The following CNTN4 variants were observed in gnomAD, a reference collection of about 807,000 sequenced individuals.
The protein encoded by CNTN4 is contactin-4.
Under a neutral mutation model 122.5 loss-of-function variants are expected in CNTN4, and 77 were observed. The ratio of observed to expected loss-of-function variants is 0.63; its 90% confidence interval spans 0.52 to 0.76. CNTN4 has a LOEUF of 0.76. CNTN4 is among the 30% of genes least tolerant of loss of function. The pLI is 0.00. For synonymous variants in CNTN4, 512 were observed against 447.0 expected (o/e 1.15, Z -1.83); for missense variants, 1,256 against 1,259.1 (o/e 1.00, Z 0.04).
At chr3:2,417,506 C>A (rs1222861544) in intron 3 of CNTN4, among the ~76,000 whole-genome samples, 1 of 152,192 alleles carries the variant, frequency 6.6e-6, no homozygotes, top group African/African-American at 2.4e-5. Flanking sequence ...CCGATTCCCT[C>A]ATTTTAATAA....
intron 4 of CNTN4, among the ~76,000 whole-genome samples, chr3:2,641,424 G>A (rs1040797478): frequency 6.6e-6 from 1 of 152,102 alleles, no homozygotes; most frequent in African/African-American, 2.4e-5. Flanking sequence ...TAAAACATCT[G>A]CATTATTTTA....
At chr3:2,522,035 A>G (rs2077236009) in intron 3 of CNTN4, among the ~76,000 whole-genome samples, 1 of 151,908 alleles carries the variant, frequency 6.6e-6, no homozygotes, top group Non-Finnish European at 1.5e-5. Flanking sequence ...TAACCTTCTA[A>G]CTCTGCTTTT....
chr3:2,275,938 C>CA (rs78515660), intron 2 of CNTN4, among the ~76,000 whole-genome samples: 23 of 137,916 alleles, frequency 1.7e-4, no homozygotes, highest in African/African-American at 5.8e-4. Context: ...AAAAAAAAAA[C>CA]AAAAAAAAAT....
intron 3 of CNTN4, among the ~76,000 whole-genome samples, chr3:2,462,220 C>G (rs942668738): frequency 2.2e-4 from 33 of 152,196 alleles, no homozygotes; most frequent in African/African-American, 7.7e-4. Flanking sequence ...AGAGAGTAGC[C>G]TCCAGTGTCC....
At chr3:2,858,530 A>T (rs2093639567) in intron 7 of CNTN4, among the ~76,000 whole-genome samples, 2 of 152,158 alleles carry the variant, frequency 1.3e-5, no homozygotes, top group African/African-American at 4.8e-5. Flanking sequence ...GTTCACGGCA[A>T]GCTTGGCCAA....
At chr3:2,730,367 A>G (rs2088591695) in intron 4 of CNTN4, among the ~76,000 whole-genome samples, 1 of 152,204 alleles carries the variant, frequency 6.6e-6, no homozygotes. Flanking sequence ...GGATTTTGGA[A>G]CATTTCAGAT....
intron 3 of CNTN4, among the ~76,000 whole-genome samples, chr3:2,570,259 G>C (rs1472631309): frequency 6.6e-6 from 1 of 151,316 alleles, no homozygotes; most frequent in Non-Finnish European, 1.5e-5. Context: ...CTGCAGCCTC[G>C]AACTCCTGGG....
intron 3 of CNTN4, among the ~76,000 whole-genome samples, chr3:2,354,686 G>C (rs1263148598): frequency 6.6e-6 from 1 of 152,152 alleles, no homozygotes; most frequent in Non-Finnish European, 1.5e-5. Flanking sequence ...GCAGCAGGCA[G>C]TTGTGCTGTA....
chr3:2,685,601 A>C (rs2085391720), intron 4 of CNTN4, among the ~76,000 whole-genome samples: 1 of 152,230 alleles, frequency 6.6e-6, no homozygotes, highest in Non-Finnish European at 1.5e-5. Context: ...AGTAATCTTC[A>C]TAGGTCATGG....
chr3:2,352,808 C>T (rs547022952), intron 3 of CNTN4, among the ~76,000 whole-genome samples: 1 of 152,222 alleles, frequency 6.6e-6, no homozygotes, highest in African/African-American at 2.4e-5. Flanking sequence ...AGGGGATCTA[C>T]TAGGCGAAGC....
chr3:2,625,801 C>G (rs2082162351), intron 4 of CNTN4, among the ~76,000 whole-genome samples: 1 of 152,026 alleles, frequency 6.6e-6, no homozygotes, highest in Non-Finnish European at 1.5e-5. Context: ...AATATGTCTC[C>G]TGCTGCGCCT....
At chr3:2,865,691 A>T (rs2093716504) in intron 7 of CNTN4, among the ~76,000 whole-genome samples, 1 of 152,210 alleles carries the variant, frequency 6.6e-6, no homozygotes, top group Non-Finnish European at 1.5e-5. Context: ...TAAAGAGAGG[A>T]ATCGTGGAAT....
At chr3:2,509,077 A>G (rs1575802134) in intron 3 of CNTN4, among the ~76,000 whole-genome samples, 1 of 152,238 alleles carries the variant, frequency 6.6e-6, no homozygotes. Flanking sequence ...TACCAGGCAA[A>G]CAGGGATTGA....
At chr3:2,649,119 G>A (rs1191395922) in intron 4 of CNTN4, among the ~76,000 whole-genome samples, 1 of 152,194 alleles carries the variant, frequency 6.6e-6, no homozygotes, top group Non-Finnish European at 1.5e-5. Flanking sequence ...GGAAAGAGAT[G>A]CCACCTCCTT....
At chr3:2,366,650 C>T (rs1243890284) in intron 3 of CNTN4, among the ~76,000 whole-genome samples, 4 of 151,864 alleles carry the variant, frequency 2.6e-5, no homozygotes, top group Non-Finnish European at 5.9e-5. Flanking sequence ...TCACTTGAAC[C>T]CGGGAGGCGG....
chr3:2,124,500 C>CACCTATAAT (rs928703524), intron 2 of CNTN4, among the ~76,000 whole-genome samples: 2 of 151,364 alleles, frequency 1.3e-5, no homozygotes, highest in African/African-American at 4.9e-5. Context: ...TGCTGGCTCA[C>CACCTATAAT]ACCTATAATC....
intron 2 of CNTN4, among the ~76,000 whole-genome samples, chr3:2,258,100 C>G (rs1183474507): frequency 6.6e-6 from 1 of 152,066 alleles, no homozygotes; most frequent in Admixed American, 6.6e-5. Flanking sequence ...ACAACAGATG[C>G]TGGAGAGGAT....
intron 3 of CNTN4, among the ~76,000 whole-genome samples, chr3:2,384,040 A>G (rs1330343560): frequency 6.6e-6 from 1 of 152,168 alleles, no homozygotes; most frequent in Non-Finnish European, 1.5e-5. Flanking sequence ...CCTTGAAAAA[A>G]TTATATTCTC....
chr3:2,501,073 C>A (rs1472083649), intron 3 of CNTN4, among the ~76,000 whole-genome samples: 1 of 152,208 alleles, frequency 6.6e-6, no homozygotes, highest in East Asian at 1.9e-4. Flanking sequence ...ATACTTGAAA[C>A]TTCTGTTTGC....
Sources: allele counts gnomAD v4.1 joint callset (sites outside exome capture counted in the v4.1 genomes callset), GRCh38; gene constraint gnomAD v4.1.1; transcripts MANE v1.5; gene names NCBI Gene and HGNC (gene_info 2026-07-23, HGNC 2026-07-21).